Variants in COPE observed in about 807,000 individuals in gnomAD.
COPE encodes the protein coat protein complex I subunit epsilon.
COPE carries 19 observed loss-of-function variants against 42.1 expected under a neutral mutation model. The ratio of observed to expected loss-of-function variants is 0.45; its 90% CI spans 0.31 to 0.66. The LOEUF is 0.66. Among genes scored for constraint, COPE ranks in the 30% least tolerant of loss-of-function variants. The pLI is 0.05. For synonymous variants in COPE, 195 were observed against 181.3 expected (o/e 1.08, Z -0.60); for missense variants, 402 against 416.1 (o/e 0.97, Z 0.30).
At position 18,911,069 on chromosome 19, in the gene COPE, C is replaced by G; in HGVS notation, c.192G>C (p.Arg64Ser). The G allele has an allele frequency of 6.2e-7, 1 of 1,613,836 alleles. No individual in the cohort carries two copies. The highest frequency in any genetic ancestry group is 8.5e-7 in the Non-Finnish European group (1 of 1,179,894). ...VFLYRAYLAQ[R>S]KFGVVLDEIK... Reference sequence around the variant, plus strand: ...TCTCATCCAGGACCACACCGAACTTCCTCTGCAGTAGGGACGAGGCGTCAG... The same window carrying G: ...TCTCATCCAGGACCACACCGAACTTGCTCTGCAGTAGGGACGAGGCGTCAG... Residue 64 changes from arginine (R) to serine (S), a missense_variant and splice_region_variant, in exon 3 of 10, where the codon AGG becomes AGC. Arg to Ser is a moderately radical substitution (Grantham distance 110, BLOSUM62 -1). Coordinates refer to ENST00000262812, the MANE Select transcript of COPE (RefSeq NM_007263.4).
intron 3 of COPE, among the ~76,000 whole-genome samples, chr19:18,908,933 G>C (rs1300253094): frequency 2.0e-5 from 3 of 152,114 alleles, no homozygotes; most frequent in South Asian, 2.1e-4. Flanking sequence ...GGGAGATCAA[G>C]GCTGCAGTAA....
intron 4 of COPE, chr19:18,905,883 C>G (rs996682836): frequency 1.8e-6 from 1 of 547,654 alleles, no homozygotes; most frequent in Non-Finnish European, 3.2e-6. Flanking sequence ...TCTGGAGAAG[C>G]AGCCTCCATG....
chr19:18,903,776 G>A (rs936156591), intron 6 of COPE, among the ~76,000 whole-genome samples: 1 of 152,194 alleles, frequency 6.6e-6, no homozygotes, highest in Non-Finnish European at 1.5e-5. Context: ...TCAGCTCTGT[G>A]ACCAGCAGCC....
chr19:18,904,625 TGA>T (rs1473645609), intron 6 of COPE, 144 bp downstream of exon 6: 2 of 698,640 alleles, frequency 2.9e-6, no homozygotes, highest in South Asian at 3.5e-5. Context: ...GAGTCAAGGC[TGA>T]GTTATGCCAG....
chr19:18,913,198 C>T, intron 1 of COPE, 152 bp from the exon 2 acceptor site: 1 of 695,512 alleles, frequency 1.4e-6, no homozygotes. Flanking sequence ...CCTCCGTAGC[C>T]CGAGTGGCCT....
intron 3 of COPE, among the ~76,000 whole-genome samples, chr19:18,909,714 T>C (rs983732843): frequency 3.9e-5 from 6 of 152,106 alleles, no homozygotes; most frequent in African/African-American, 1.2e-4. Context: ...TTTCACCACG[T>C]TGGCCAGGCT....
intron 3 of COPE, 135 bp from the exon 4 acceptor site, chr19:18,907,247 G>C (rs1169125242): frequency 1.1e-6 from 1 of 912,150 alleles, no homozygotes; most frequent in African/African-American, 1.7e-5. Context: ...AGCAGGCCGA[G>C]CATCGAGCTG....
chr19:18,911,262 G>C (rs1028219718), intron 2 of COPE, 191 bp from the exon 3 acceptor site: 1 of 600,330 alleles, frequency 1.7e-6, no homozygotes, highest in African/African-American at 1.8e-5. Context: ...AGCCAGGTGT[G>C]CCCTCATCTG....
intron 7 of COPE, among the ~76,000 whole-genome samples, chr19:18,902,790 AAGGAAGGAAGG>A (rs2056719131): frequency 2.8e-5 from 2 of 70,618 alleles, no homozygotes; most frequent in African/African-American, 8.5e-5. Flanking sequence ...GGAAGGAAGG[AAGGAAGGAAGG>A]AAGGAAGGAA....
intron 6 of COPE, 98 bp downstream of exon 6, chr19:18,904,673 C>A (rs1023713078): frequency 4.7e-6 from 5 of 1,061,156 alleles, no homozygotes; most frequent in Non-Finnish European, 7.0e-6. Flanking sequence ...TGGAGCCCCA[C>A]TGGAGTGGCC....
At chr19:18,901,667 G>A (rs1380974076) in intron 7 of COPE, among the ~76,000 whole-genome samples, 1 of 152,260 alleles carries the variant, frequency 6.6e-6, no homozygotes. Flanking sequence ...ACTGGCGCAT[G>A]TCTATCATCC....
intron 1 of COPE, 22 bp downstream of exon 1, chr19:18,919,201 C>T (rs1424481138): frequency 1.9e-6 from 3 of 1,597,718 alleles, no homozygotes; most frequent in Non-Finnish European, 2.6e-6. Flanking sequence ...CCCAGCGTCC[C>T]CGCGCCCCTG....
chr19:18,913,805 A>G (rs1227953488), intron 1 of COPE, among the ~76,000 whole-genome samples: 3 of 152,194 alleles, frequency 2.0e-5, no homozygotes, highest in East Asian at 1.9e-4. Context: ...AACAACCTCT[A>G]AACAGAGGGG....
chr19:18,900,164 A>C (rs914281948), intron 8 of COPE, among the ~76,000 whole-genome samples: 5 of 151,688 alleles, frequency 3.3e-5, no homozygotes, highest in African/African-American at 1.2e-4. Flanking sequence ...GCCTCCGTAC[A>C]TGGTGGGGGA....
chr19:18,900,393 G>T lies in COPE; in HGVS notation c.792C>A (p.Gly264=). ...GGGGGCCGCTTACCTCAGGGGGCTT[G>T]CCCAGGTGCTGGGACAGGACGATGA... is the stretch of plus-strand genomic sequence containing the variant. The part of the protein sequence containing the change: ...VNLIVLSQHL[G]KPPEVTNRYL... Residue 264 remains glycine (G), a synonymous_variant, in exon 8 of 10, where the codon GGC becomes GGA. Coordinates refer to ENST00000262812, the MANE Select transcript of COPE (RefSeq NM_007263.4). 6.5e-7 allele frequency: 1 copy of T among 1,548,822 alleles called. No homozygotes were observed. The highest frequency in any genetic ancestry group is 8.7e-7 in the Non-Finnish European group (1 of 1,145,704).
intron 1 of COPE, among the ~76,000 whole-genome samples, chr19:18,917,233 C>CT (rs1224483756): frequency 5.5e-5 from 6 of 108,908 alleles, no homozygotes; most frequent in Non-Finnish European, 8.1e-5. Context: ...TAGAAACATT[C>CT]TTTTTTTCTT....
chr19:18,912,717 C>G lies in COPE; in HGVS notation c.189+267G>C, dbSNP rs7250615. 2.7e-5 allele frequency among the ~76,000 whole-genome samples: 4 copies of G among 145,664 alleles called. No individual in the cohort carries two copies. In the Admixed American group the frequency reaches 2.9e-4, roughly 10 times the overall value. ...GGTTGCAGTGAGCTGAGATCGAGTA[C>G]GACAGAGTGAGACTCCGTCTCAAAA... On this transcript the variant is annotated intron_variant, in intron 2 of 9. Coordinates refer to ENST00000262812, the MANE Select transcript of COPE (RefSeq NM_007263.4).
In COPE at chr19:18,913,053, G is replaced by A. The variant is rs777738643; in HGVS notation, c.127-7C>T. ...CTCTCTCTGGGCTTGATAGCTGTGG[G>A]AACCAATGTGAGTCAGGACGCACAG... is the stretch of plus-strand genomic sequence containing the variant. On this transcript the variant is annotated splice_region_variant and splice_polypyrimidine_tract_variant and intron_variant, in intron 1 of 9. Coordinates refer to ENST00000262812, the MANE Select transcript of COPE (RefSeq NM_007263.4). 3 of 1,609,452 alleles carry A rather than the reference G, an allele frequency of 1.9e-6. No individual in the cohort carries two copies. Among genetic ancestry groups the A allele is most frequent in the Admixed American group, 1.7e-5 (1 of 60,006 alleles).
chr19:18,914,938 G>A (rs186251766), intron 1 of COPE, among the ~76,000 whole-genome samples: 1 of 152,058 alleles, frequency 6.6e-6, no homozygotes, highest in East Asian at 2.0e-4. Context: ...ATATTGGCCA[G>A]GCTGGTCTTG....
Sources: gnomAD v4.1 joint callset for allele counts (sites outside exome capture counted in the v4.1 genomes callset) on GRCh38, gnomAD v4.1.1 for gene constraint, MANE v1.5 for transcripts, NCBI Gene and HGNC (gene_info 2026-07-23, HGNC 2026-07-21) for gene names.